ACSL1: variants seen among roughly 807,000 people sequenced by gnomAD.
The protein encoded by ACSL1 is long-chain-fatty-acid--CoA ligase 1.
A neutral mutation model predicts 98.4 loss-of-function variants in ACSL1; 41 were observed. The observed-to-expected ratio is 0.42, with a 90% confidence interval of 0.32 to 0.54. The LOEUF (loss-of-function observed/expected upper bound fraction) is 0.54, where lower values mean the gene tolerates loss of function less well. ACSL1 is among the 20% of genes least tolerant of loss of function. ACSL1 has a pLI of 0.13. For missense variants in ACSL1, 734 were observed against 883.1 expected (o/e 0.83, Z 2.14); for synonymous variants, 316 against 322.7 (o/e 0.98, Z 0.22).
intron 12 of ACSL1, among the ~76,000 whole-genome samples, chr4:184,767,854 G>A (rs911520447): frequency 6.6e-6 from 1 of 152,154 alleles, no homozygotes; most frequent in Non-Finnish European, 1.5e-5. Flanking sequence ...GCTCTGCTGT[G>A]GCTTAGTCAC....
chr4:184,780,052 A>C (rs1765977373), intron 5 of ACSL1, among the ~76,000 whole-genome samples: 1 of 152,080 alleles, frequency 6.6e-6, no homozygotes, highest in Non-Finnish European at 1.5e-5. Context: ...TTGTATTTTT[A>C]GTAGAGATGG....
chr4:184,819,683 T>C (rs1031887911), intron 1 of ACSL1, among the ~76,000 whole-genome samples: 1 of 152,038 alleles, frequency 6.6e-6, no homozygotes, highest in African/African-American at 2.4e-5. Flanking sequence ...GGAGTGGAGA[T>C]AGCAGGTAGG....
chr4:184,761,145 G>T (rs1165514162), intron 17 of ACSL1, among the ~76,000 whole-genome samples: 1 of 152,196 alleles, frequency 6.6e-6, no homozygotes, highest in Non-Finnish European at 1.5e-5. Flanking sequence ...TCTGTAGAAA[G>T]TGTCTAGGGT....
rs982678267 is a variant in ACSL1 at position 184,803,942 on chromosome 4, G to A, written c.-32-396C>T. 2.6e-5 allele frequency among the ~76,000 whole-genome samples: 4 copies of A among 152,182 alleles called. No individual in the cohort carries two copies. The highest frequency in any genetic ancestry group is 9.7e-5 in the African/African-American group (4 of 41,446). On this transcript the variant is annotated intron_variant, in intron 1 of 20. Coordinates refer to ENST00000281455, the MANE Select transcript of ACSL1 (RefSeq NM_001995.5). This position sits in a 1 kb window ranked among gnomAD's most constrained non-coding sequence, Gnocchi z 4.8. ...AAAAACACTCGACTCTCATTGTCAA[G>A]GCTAATGGGAATATGAGTGAAGGGG...
intron 5 of ACSL1, 38 bp downstream of exon 5, chr4:184,780,294 C>G: frequency 6.5e-7 from 1 of 1,546,006 alleles, no homozygotes; most frequent in Non-Finnish European, 8.9e-7. Context: ...TCTGAGAATT[C>G]TCAAAATCAT....
intron 2 of ACSL1, among the ~76,000 whole-genome samples, chr4:184,793,954 A>G (rs1768881432): frequency 6.6e-6 from 1 of 152,142 alleles, no homozygotes; most frequent in Non-Finnish European, 1.5e-5. Flanking sequence ...CTTTCTGTAT[A>G]CTCTAAATGG....
At chr4:184,759,291 T>C (rs1762553236) in intron 18 of ACSL1, among the ~76,000 whole-genome samples, 1 of 152,054 alleles carries the variant, frequency 6.6e-6, no homozygotes, top group Non-Finnish European at 1.5e-5. Context: ...GGGTCAAATG[T>C]CTAAAACATC....
chr4:184,795,001 A>G (rs1769097446), intron 2 of ACSL1, among the ~76,000 whole-genome samples: 3 of 152,200 alleles, frequency 2.0e-5, no homozygotes. Context: ...ATCACCAGAA[A>G]AAAAATCAGC....
intron 1 of ACSL1, among the ~76,000 whole-genome samples, chr4:184,820,432 TC>T (rs1166593835): frequency 4.6e-5 from 7 of 152,312 alleles, no homozygotes; most frequent in African/African-American, 7.2e-5. Flanking sequence ...ATCTTATCAC[TC>T]CCTGAGCCAC....
intron 3 of ACSL1, among the ~76,000 whole-genome samples, 198 bp from the exon 4 acceptor site, chr4:184,784,189 G>A (rs1766821882): frequency 6.6e-6 from 1 of 152,048 alleles, no homozygotes; most frequent in East Asian, 1.9e-4. Context: ...GTTTATTTCT[G>A]TTTTGTTTAA....
chr4:184,765,802 C>G (rs1349300066), intron 14 of ACSL1, 89 bp downstream of exon 14: 3 of 1,073,986 alleles, frequency 2.8e-6, no homozygotes, highest in Non-Finnish European at 4.1e-6. Context: ...AGAACACACA[C>G]ACACACACAC....
At chr4:184,818,968 G>A (rs71622982) in intron 1 of ACSL1, among the ~76,000 whole-genome samples, 7 of 152,010 alleles carry the variant, frequency 4.6e-5, no homozygotes, top group East Asian at 1.9e-4. Context: ...GGAGTATTTC[G>A]ATATTTTAAC....
chr4:184,792,910 G>A (rs1327380538), intron 2 of ACSL1, among the ~76,000 whole-genome samples: 1 of 152,156 alleles, frequency 6.6e-6, no homozygotes, highest in African/African-American at 2.4e-5. Context: ...TCAAAAGCTG[G>A]GGACTTAAAT....
At chr4:184,817,008 G>C (rs1470955448) in intron 1 of ACSL1, among the ~76,000 whole-genome samples, 1 of 152,094 alleles carries the variant, frequency 6.6e-6, no homozygotes, top group African/African-American at 2.4e-5. Flanking sequence ...AGCCTCAGGG[G>C]ATATGATAGT....
intron 1 of ACSL1, chr4:184,813,867 G>C (rs1238839280): frequency 4.4e-6 from 2 of 456,076 alleles, no homozygotes; most frequent in Admixed American, 2.4e-5. Context: ...GCCATGGATG[G>C]AGAGGAAGCT....
chr4:184,776,722 C>A, intron 6 of ACSL1, 60 bp from the exon 7 acceptor site: 1 of 1,556,920 alleles, frequency 6.4e-7, no homozygotes, highest in South Asian at 1.2e-5. Flanking sequence ...TTCACTCTGT[C>A]ATATCCAGCA....
chr4:184,758,140 T>C, intron 18 of ACSL1: 1 of 512,234 alleles, frequency 2.0e-6, no homozygotes, highest in South Asian at 3.1e-5. Flanking sequence ...GCAATTAATG[T>C]TTTTAAAAAA....
At position 184,788,727 on chromosome 4, in the gene ACSL1, C is replaced by T. The variant is rs1767844343; in HGVS notation, c.200G>A (p.Ser67Asn). ...LSMQSVEVAG[S>N]GGARRSALLD... is the part of the protein sequence containing the mutation. Reference sequence around the variant, plus strand: ...TAGTGCGGATCTTCGTGCACCACCACTACCCTATCAAAAAAGAAAGGGGGG... The same window carrying T: ...TAGTGCGGATCTTCGTGCACCACCATTACCCTATCAAAAAAGAAAGGGGGG... The change falls in exon 3 of 21, where the codon AGT becomes AAT. Residue 67 changes from serine (S) to asparagine (N), a missense_variant. Physicochemically the swap from Ser to Asn is conservative, Grantham distance 46 (BLOSUM62 1). Coordinates refer to ENST00000281455, the MANE Select transcript of ACSL1 (RefSeq NM_001995.5). The T allele has an allele frequency of 6.2e-7, 1 of 1,614,010 alleles. No individual in the cohort carries two copies. The highest frequency in any genetic ancestry group is 8.5e-7 in the Non-Finnish European group (1 of 1,179,900).
intron 1 of ACSL1, among the ~76,000 whole-genome samples, chr4:184,822,167 T>G (rs1327826506): frequency 1.3e-5 from 2 of 152,162 alleles, no homozygotes; most frequent in African/African-American, 4.8e-5. Context: ...GTTTTTACTT[T>G]TTTTTTTCTA....
Sources: allele counts gnomAD v4.1 joint callset (sites outside exome capture counted in the v4.1 genomes callset), GRCh38; gene constraint gnomAD v4.1.1; non-coding constraint Gnocchi (gnomAD v3.1); transcripts MANE v1.5; gene names NCBI Gene and HGNC (gene_info 2026-07-23, HGNC 2026-07-21).